HIBADH: variants seen among roughly 807,000 people sequenced by gnomAD.
HIBADH encodes 3-hydroxyisobutyrate dehydrogenase.
HIBADH carries 25 observed loss-of-function variants against 36.1 expected under a neutral mutation model. That is an observed-to-expected ratio of 0.69 (90% CI 0.50 to 0.97). The LOEUF (loss-of-function observed/expected upper bound fraction) is 0.97, where lower values mean the gene tolerates loss of function less well. Ranked by LOEUF, HIBADH falls within the 50% of genes least tolerant of loss-of-function variation. The pLI, the probability that HIBADH is intolerant of heterozygous loss-of-function variation, is 0.00. For synonymous variants in HIBADH, 160 were observed against 149.5 expected, an observed-to-expected ratio of 1.07 and a Z score of -0.51; for missense variants, 421 against 418.0, an observed-to-expected ratio of 1.01 and a Z score of -0.06.
intron 7 of HIBADH, 43 bp downstream of exon 7, chr7:27,531,149 G>C (rs777198046): frequency 1.3e-6 from 2 of 1,550,468 alleles, no homozygotes; most frequent in Non-Finnish European, 1.8e-6. Context: ...ATTGGACCGT[G>C]AAACGTTTTT....
intron 4 of HIBADH, among the ~76,000 whole-genome samples, chr7:27,621,541 C>T (rs1055014769): frequency 1.3e-5 from 2 of 152,174 alleles, no homozygotes; most frequent in Admixed American, 1.3e-4. Flanking sequence ...CCTGTAATCC[C>T]AGCACCTTGG....
chr7:27,527,111 G>A (rs1000008043), intron 7 of HIBADH, among the ~76,000 whole-genome samples: 1 of 152,068 alleles, frequency 6.6e-6, no homozygotes, highest in Non-Finnish European at 1.5e-5. Flanking sequence ...GACAGAACAA[G>A]AGGGAGAAGT....
chr7:27,584,006 T>A (rs955128161), intron 4 of HIBADH, among the ~76,000 whole-genome samples: 1 of 152,032 alleles, frequency 6.6e-6, no homozygotes, highest in Admixed American at 6.5e-5. Context: ...ATTTTCATAG[T>A]AGATTAAATG....
intron 4 of HIBADH, among the ~76,000 whole-genome samples, chr7:27,544,541 T>G (rs1035012891): frequency 9.2e-5 from 14 of 152,246 alleles, no homozygotes; most frequent in African/African-American, 3.4e-4. Flanking sequence ...ACTGCTGTTT[T>G]GTTAGTTTCT....
intron 1 of HIBADH, among the ~76,000 whole-genome samples, chr7:27,652,474 GAAGAA>G (rs1786214160): frequency 6.6e-6 from 1 of 152,174 alleles, no homozygotes; most frequent in African/African-American, 2.4e-5. Flanking sequence ...GAATGAACTT[GAAGAA>G]AAGAGCCTGG....
intron 6 of HIBADH, among the ~76,000 whole-genome samples, chr7:27,533,400 C>T (rs978298461): frequency 6.6e-6 from 1 of 152,132 alleles, no homozygotes; most frequent in Non-Finnish European, 1.5e-5. Context: ...TTCATTCTCA[C>T]TTTTCAAATC....
chr7:27,555,855 C>A (rs1289873315), intron 4 of HIBADH, among the ~76,000 whole-genome samples: 2 of 152,074 alleles, frequency 1.3e-5, no homozygotes, highest in Non-Finnish European at 2.9e-5. Flanking sequence ...CTTCTCAAGT[C>A]AAATATATAT....
At chr7:27,641,363 C>T (rs939686949) in intron 2 of HIBADH, among the ~76,000 whole-genome samples, 1 of 152,148 alleles carries the variant, frequency 6.6e-6, no homozygotes, top group Non-Finnish European at 1.5e-5. Flanking sequence ...TTGGCTCTCA[C>T]TTCATCAGCT....
chr7:27,660,397 C>T (rs1786390936), intron 1 of HIBADH, among the ~76,000 whole-genome samples: 1 of 152,250 alleles, frequency 6.6e-6, no homozygotes, highest in Admixed American at 6.5e-5. Context: ...GGCACAGTGG[C>T]TCACGCCTGT....
At chr7:27,534,917 C>A (rs1163222294) in intron 6 of HIBADH, among the ~76,000 whole-genome samples, 2 of 151,452 alleles carry the variant, frequency 1.3e-5, no homozygotes, top group South Asian at 4.2e-4. Flanking sequence ...GATGTAATCA[C>A]TTTTGTCATT....
chr7:27,587,236 A>G (rs7783447), intron 4 of HIBADH, among the ~76,000 whole-genome samples: 115,958 of 152,088 alleles, frequency 0.76, 44,713 homozygotes, highest in East Asian at 0.94. Flanking sequence ...CAAAGTCCAC[A>G]GTATTCTAAC....
chr7:27,627,593 T>A (rs753938223), intron 4 of HIBADH, among the ~76,000 whole-genome samples: 55 of 152,224 alleles, frequency 3.6e-4, no homozygotes, highest in Non-Finnish European at 7.1e-4. Flanking sequence ...TAAAATACAG[T>A]AATTTTTAAA....
At chr7:27,541,125 G>C (rs1209799736) in intron 5 of HIBADH, among the ~76,000 whole-genome samples, 1 of 142,396 alleles carries the variant, frequency 7.0e-6, no homozygotes, top group Non-Finnish European at 1.5e-5. Context: ...AATGTCCTTC[G>C]AGCATCCTTT....
At chr7:27,538,954 G>C (rs746399821) in intron 5 of HIBADH, among the ~76,000 whole-genome samples, 1 of 152,082 alleles carries the variant, frequency 6.6e-6, no homozygotes, top group South Asian at 2.1e-4. Context: ...ATATAAGAAG[G>C]ATTAAATATT....
intron 4 of HIBADH, among the ~76,000 whole-genome samples, chr7:27,591,465 G>T (rs1784938384): frequency 6.6e-6 from 1 of 151,938 alleles, no homozygotes; most frequent in South Asian, 2.1e-4. Flanking sequence ...GTAGAAGAAT[G>T]GTGTGAACCC....
rs983377895 is a variant in HIBADH, at chr7:27,526,206, G to A, written c.*8C>T. ...GTTCCCAACAGTGTCCGTGGCCAAAGGGCACACTCAGAAGGTCTCCTCCTC... is the reference window on the plus strand; with the variant it reads ...GTTCCCAACAGTGTCCGTGGCCAAAAGGCACACTCAGAAGGTCTCCTCCTC... On this transcript the variant is annotated 3_prime_UTR_variant, in exon 8 of 8. Transcript: ENST00000265395. The A allele has an allele frequency of 3.1e-6, 5 of 1,598,922 alleles. No individual in the cohort carries two copies. The highest frequency in any genetic ancestry group is 1.7e-6 in the Non-Finnish European group (2 of 1,173,500).
At chr7:27,598,507 T>A (rs1310096101) in intron 4 of HIBADH, among the ~76,000 whole-genome samples, 1 of 152,192 alleles carries the variant, frequency 6.6e-6, no homozygotes, top group Non-Finnish European at 1.5e-5. Context: ...TTATTGCTGG[T>A]CTGCTTGTGG....
At chr7:27,569,954 ACTTT>A (rs1010507043) in intron 4 of HIBADH, among the ~76,000 whole-genome samples, 3 of 152,088 alleles carry the variant, frequency 2.0e-5, no homozygotes. Flanking sequence ...CATTTCTTCC[ACTTT>A]CTCTGTCTCA....
intron 4 of HIBADH, among the ~76,000 whole-genome samples, chr7:27,598,214 A>G (rs1045224174): frequency 6.6e-6 from 1 of 152,216 alleles, no homozygotes; most frequent in African/African-American, 2.4e-5. Flanking sequence ...AATCAGAATA[A>G]AACTAAAGAT....
Sources: gnomAD v4.1 joint callset for allele counts (sites outside exome capture counted in the v4.1 genomes callset) on GRCh38, gnomAD v4.1.1 for gene constraint, MANE v1.5 for transcripts, NCBI Gene and HGNC (gene_info 2026-07-23, HGNC 2026-07-21) for gene names.